The following GPR55 variants were observed in gnomAD, a reference collection of about 807,000 sequenced individuals.
GPR55 encodes the protein G-protein coupled receptor 55.
Under a neutral mutation model 7.9 loss-of-function variants are expected in GPR55, and 6 were observed. The observed-to-expected ratio is 0.76, with a 90% CI of 0.41 to 1.49. GPR55 has a LOEUF of 1.49. Ranked by LOEUF, GPR55 falls within the 40% of genes most tolerant of loss-of-function variation. GPR55 has a pLI of 0.01. For synonymous variants in GPR55, 183 were observed against 166.8 expected (o/e 1.10, Z -0.75); for missense variants, 376 against 406.0 (o/e 0.93, Z 0.63).
rs544937787 is a variant in GPR55, at chr2:230,958,352, G to T, written c.-135+2423C>A. ...CAATTGTAAAATCATGGAGAATGGGGTATCCATCCCCCTCAAGCATTTATC... is the reference window on the plus strand; with the variant it reads ...CAATTGTAAAATCATGGAGAATGGGTTATCCATCCCCCTCAAGCATTTATC... On this transcript the variant is annotated intron_variant, in intron 1 of 1. Transcript: ENST00000392039. Among the ~76,000 whole-genome samples, 43 of 152,254 alleles carry T rather than the reference G, an allele frequency of 2.8e-4. 1 individual carries two copies. The highest frequency in any genetic ancestry group is 1.8e-3 in the Admixed American group (28 of 15,294).
chr2:230,939,998 A>AC (rs1011760122), intron 1 of GPR55, among the ~76,000 whole-genome samples: 6 of 151,826 alleles, frequency 4.0e-5, no homozygotes, highest in Admixed American at 2.0e-4. Flanking sequence ...TGCCACTGCC[A>AC]CCCCCAGTAG....
intron 1 of GPR55, among the ~76,000 whole-genome samples, chr2:230,957,088 C>T (rs1691494073): frequency 6.6e-6 from 1 of 152,194 alleles, no homozygotes; most frequent in Non-Finnish European, 1.5e-5. Context: ...GTGGTCATCA[C>T]TTTTGCAGTC....
chr2:230,951,260 A>G (rs1177666829), intron 1 of GPR55, among the ~76,000 whole-genome samples: 3 of 152,194 alleles, frequency 2.0e-5, no homozygotes, highest in Non-Finnish European at 4.4e-5. Context: ...ATTGAACTGG[A>G]GGACACCCCG....
In GPR55 at chr2:230,908,685, A is replaced by C. The variant is rs1034733917; in HGVS notation, c.*1318T>G. 6.6e-6 allele frequency: 1 copy of C among 152,494 alleles called. No homozygotes were observed. Among genetic ancestry groups the C allele is most frequent in the African/African-American group, 2.4e-5 (1 of 41,434 alleles). The allele number at this position is 152,494 out of a possible 1,614,324, so 9.4% of individuals were successfully genotyped here. A position where few individuals can be genotyped will look rare whatever the true frequency, so the allele number is the denominator to read the frequency against. Reference sequence around the variant, plus strand: ...GACCTTGCTCACATGAAGTCTCATCAGTTACTCCTCATCCCACTCGCTCTG... The same window carrying C: ...GACCTTGCTCACATGAAGTCTCATCCGTTACTCCTCATCCCACTCGCTCTG... On this transcript the variant is annotated 3_prime_UTR_variant, in exon 2 of 2. Transcript: ENST00000650999.
At chr2:230,918,364 G>A (rs1011220699) in intron 1 of GPR55, among the ~76,000 whole-genome samples, 2 of 151,876 alleles carry the variant, frequency 1.3e-5, no homozygotes, top group African/African-American at 4.8e-5. Flanking sequence ...GTTGATTTGG[G>A]GGCAAAAAAT....
chr2:230,921,075 A>G (rs1038276671), intron 1 of GPR55, among the ~76,000 whole-genome samples: 1 of 152,232 alleles, frequency 6.6e-6, no homozygotes, highest in Non-Finnish European at 1.5e-5. Context: ...AAAAGAATTG[A>G]GAAAGTAACA....
At chr2:230,922,516 C>T (rs773186866) in intron 1 of GPR55, among the ~76,000 whole-genome samples, 13 of 152,178 alleles carry the variant, frequency 8.5e-5, no homozygotes, top group Admixed American at 1.3e-4. Context: ...GCTGGGACTA[C>T]AGGCATGCAT....
chr2:230,934,275 C>T (rs1181885597), intron 1 of GPR55, among the ~76,000 whole-genome samples: 1 of 152,186 alleles, frequency 6.6e-6, no homozygotes, highest in Admixed American at 6.5e-5. Flanking sequence ...GCATCAGGGC[C>T]AGCACCTCTC....
At chr2:230,921,343 T>C (rs1006000400) in intron 1 of GPR55, among the ~76,000 whole-genome samples, 1 of 152,256 alleles carries the variant, frequency 6.6e-6, no homozygotes, top group East Asian at 1.9e-4. Context: ...GAGAAGTACA[T>C]CATAAATCAA....
intron 1 of GPR55, among the ~76,000 whole-genome samples, chr2:230,912,086 C>G (rs949480839): frequency 1.3e-5 from 2 of 152,192 alleles, no homozygotes; most frequent in African/African-American, 4.8e-5. Context: ...TTCTCACCCA[C>G]TCTTCCCTCT....
At chr2:230,939,336 A>G (rs1691183418) in intron 1 of GPR55, among the ~76,000 whole-genome samples, 1 of 152,158 alleles carries the variant, frequency 6.6e-6, no homozygotes, top group Admixed American at 6.5e-5. Context: ...GGGAGATGTC[A>G]CAGGCCATAG....
intron 1 of GPR55, among the ~76,000 whole-genome samples, chr2:230,911,556 A>G (rs1362842727): frequency 1.3e-5 from 2 of 152,206 alleles, no homozygotes; most frequent in Non-Finnish European, 2.9e-5. Context: ...TCATTGGTTC[A>G]GGGACAGATA....
chr2:230,917,064 T>A (rs1336709038), intron 1 of GPR55, among the ~76,000 whole-genome samples: 2 of 152,212 alleles, frequency 1.3e-5, no homozygotes, highest in Non-Finnish European at 2.9e-5. Flanking sequence ...TAACTAGCCT[T>A]GTAGAATTGC....
intron 1 of GPR55, among the ~76,000 whole-genome samples, chr2:230,947,002 A>C (rs1489430525): frequency 6.6e-6 from 1 of 152,142 alleles, no homozygotes. Flanking sequence ...TGCTGAACTA[A>C]CCCTATTGCT....
intron 1 of GPR55, among the ~76,000 whole-genome samples, chr2:230,911,426 C>A (rs907047356): frequency 1.3e-5 from 2 of 152,178 alleles, no homozygotes; most frequent in African/African-American, 4.8e-5. Context: ...GGACTCAGCT[C>A]CTTTTGTCTC....
At chr2:230,927,735 A>T (rs1690966618), upstream of GPR55, among the ~76,000 whole-genome samples, 1 of 152,210 alleles carries the variant, frequency 6.6e-6, no homozygotes, top group Admixed American at 6.5e-5. Context: ...GGCAAGGAAC[A>T]AGTGAATCTG....
chr2:230,932,781 T>C lies in GPR55; in HGVS notation c.-134-21685A>G, dbSNP rs538811783. Among the ~76,000 whole-genome samples the C allele has an allele frequency of 3.3e-5, 5 of 152,328 alleles. No individual in the cohort carries two copies. The East Asian group carries it at 9.6e-4, about 29-fold the overall frequency. ...TCGCTTCCTGTGACAAGGCACACCC[T>C]GTTCTAGCCCAGGCTCGGCCTGGGA... On this transcript the variant is annotated intron_variant, in intron 1 of 1. Coordinates refer to the GPR55 transcript ENST00000392039.
chr2:230,933,516 G>A (rs140059322), intron 1 of GPR55, among the ~76,000 whole-genome samples: 43 of 152,354 alleles, frequency 2.8e-4, no homozygotes, highest in African/African-American at 9.1e-4. Flanking sequence ...AGCCACCTGG[G>A]GACTGGCCTG....
intron 1 of GPR55, among the ~76,000 whole-genome samples, chr2:230,956,805 G>A (rs1169447690): frequency 6.6e-6 from 1 of 152,154 alleles, no homozygotes; most frequent in African/African-American, 2.4e-5. Flanking sequence ...TTCATCTAGA[G>A]CTGTCTCCCT....
Sources: allele counts gnomAD v4.1 joint callset (sites outside exome capture counted in the v4.1 genomes callset), GRCh38; gene constraint gnomAD v4.1.1; transcripts MANE v1.5; gene names NCBI Gene and HGNC (gene_info 2026-07-23, HGNC 2026-07-21).